VEPH1: variants seen among roughly 807,000 people sequenced by gnomAD.
VEPH1 encodes ventricular zone expressed PH domain containing 1.
VEPH1 carries 80 observed loss-of-function variants against 85.2 expected under a neutral mutation model. The ratio of observed to expected loss-of-function variants is 0.94; its 90% confidence interval spans 0.78 to 1.13. The LOEUF (loss-of-function observed/expected upper bound fraction) is 1.13. VEPH1 is among the 50% of genes most tolerant of loss of function. The probability of loss-of-function intolerance (pLI) is 0.00; values close to 1 mark genes in which losing one functional copy is unlikely to be tolerated. For missense variants in VEPH1, 955 were observed against 980.5 expected (o/e 0.97, Z 0.35); for synonymous variants, 297 against 348.0 (o/e 0.85, Z 1.63).
At chr3:157,350,920 G>A (rs575675441) in intron 9 of VEPH1, among the ~76,000 whole-genome samples, 26 of 152,218 alleles carry the variant, frequency 1.7e-4, no homozygotes, top group Admixed American at 3.9e-4. Flanking sequence ...CATGCTGTTC[G>A]GAATACAAAC....
At chr3:157,355,901 C>CTT (rs142961206) in intron 9 of VEPH1, among the ~76,000 whole-genome samples, 30 of 139,374 alleles carry the variant, frequency 2.2e-4, no homozygotes, top group African/African-American at 5.8e-4. Flanking sequence ...CTCTCTCACT[C>CTT]TTTTTTTTTT....
At chr3:157,443,060 G>A (rs537384468) in intron 4 of VEPH1, 110 of 1,470,000 alleles carry the variant, frequency 7.5e-5, no homozygotes, top group Middle Eastern at 3.6e-4. Context: ...TGAAAACTCA[G>A]TGCATAATAG....
intron 9 of VEPH1, among the ~76,000 whole-genome samples, chr3:157,328,532 A>G (rs550493514): frequency 6.6e-6 from 1 of 152,320 alleles, no homozygotes; most frequent in East Asian, 1.9e-4. Flanking sequence ...ATTCTATACA[A>G]TGAGAATAAA....
In VEPH1 at chr3:157,495,219, G is replaced by T; in HGVS notation, c.131C>A (p.Ser44Ter). 2 of 1,613,832 alleles carry T rather than the reference G, an allele frequency of 1.2e-6. No individual in the cohort carries two copies. The highest frequency in any genetic ancestry group is 1.7e-6 in the Non-Finnish European group (2 of 1,179,858). The change falls in exon 2 of 14, where the codon TCA becomes TAA. Residue 44 changes from serine (S) to a stop codon, truncating the protein, a stop_gained. Transcript: ENST00000362010. LOFTEE classifies it high-confidence loss of function. ...EALEQIKIIS[S>*]SSDYQTNNND... ...ATAAACCAGTTTACTTACTGAAGAT[G>T]AGCTAATTATCTTAATTTGCTCCAA...
At chr3:157,436,898 C>A in intron 4 of VEPH1, 1 of 1,606,012 alleles carries the variant, frequency 6.2e-7, no homozygotes, top group South Asian at 1.1e-5. Flanking sequence ...AGTCTCCTCC[C>A]GCCAGCTGTG....
chr3:157,456,641 T>C (rs1420965474), intron 4 of VEPH1, among the ~76,000 whole-genome samples: 2 of 152,174 alleles, frequency 1.3e-5, no homozygotes, highest in Non-Finnish European at 1.5e-5. Context: ...CTTTTGCCCA[T>C]TGCTTGTTTT....
At chr3:157,435,668 G>A (rs1461723754) in intron 4 of VEPH1, among the ~76,000 whole-genome samples, 3 of 152,310 alleles carry the variant, frequency 2.0e-5, no homozygotes, top group African/African-American at 7.2e-5. Flanking sequence ...CCTAGCATCA[G>A]CTCATGGGAT....
chr3:157,421,883 T>C (rs1211596446), intron 5 of VEPH1, among the ~76,000 whole-genome samples: 1 of 152,122 alleles, frequency 6.6e-6, no homozygotes, highest in Non-Finnish European at 1.5e-5. Flanking sequence ...TCCACATCAC[T>C]CTAGGTGCTC....
At chr3:157,479,921 C>A (rs957349242) in intron 2 of VEPH1, among the ~76,000 whole-genome samples, 9 of 152,170 alleles carry the variant, frequency 5.9e-5, no homozygotes, top group African/African-American at 2.2e-4. Flanking sequence ...GATACCATAA[C>A]CCTAAAAGCC....
chr3:157,384,104 A>G (rs1729052723), intron 6 of VEPH1, among the ~76,000 whole-genome samples: 1 of 152,228 alleles, frequency 6.6e-6, no homozygotes, highest in Non-Finnish European at 1.5e-5. Context: ...TGAGGCAGAC[A>G]GACAATAAAC....
intron 2 of VEPH1, among the ~76,000 whole-genome samples, chr3:157,486,867 TAAC>T (rs1488961188): frequency 1.3e-5 from 2 of 152,080 alleles, no homozygotes; most frequent in Non-Finnish European, 2.9e-5. Context: ...AGATTTAACT[TAAC>T]AACAAAAAGA....
chr3:157,484,864 G>C (rs963183443), intron 2 of VEPH1, among the ~76,000 whole-genome samples: 3 of 152,142 alleles, frequency 2.0e-5, no homozygotes. Flanking sequence ...ATGCCTCCAA[G>C]AGAGTCCTAT....
At chr3:157,326,370 T>A (rs1721907115) in intron 9 of VEPH1, among the ~76,000 whole-genome samples, 1 of 152,180 alleles carries the variant, frequency 6.6e-6, no homozygotes, top group Admixed American at 6.5e-5. Context: ...AGAGTAGATA[T>A]TCAACAGTTA....
At chr3:157,403,951 T>C (rs567670060) in intron 6 of VEPH1, among the ~76,000 whole-genome samples, 1 of 152,304 alleles carries the variant, frequency 6.6e-6, no homozygotes, top group South Asian at 2.1e-4. Context: ...TCTTGTTCAA[T>C]TATGGATTCT....
chr3:157,409,384 C>T (rs1314064859), intron 6 of VEPH1, among the ~76,000 whole-genome samples: 1 of 152,120 alleles, frequency 6.6e-6, no homozygotes, highest in Non-Finnish European at 1.5e-5. Context: ...TAGATCTTTA[C>T]TGAAAGGTGC....
Position 157,260,735 on chromosome 3 carries a change from A to AT in VEPH1, c.*398dup, listed in dbSNP as rs1712768394. ...CTTTTAATACCTTTGACAGACTGTG[A>AT]TTTTCATCAGAAGTGCTAATCTTTC... On this transcript the variant is annotated 3_prime_UTR_variant, in exon 14 of 14. Transcript: ENST00000362010. 1 of 157,916 alleles carries AT rather than the reference A, an allele frequency of 6.3e-6. No individual in the cohort carries two copies. The highest frequency in any genetic ancestry group is 1.4e-5 in the Non-Finnish European group (1 of 72,238). The allele number at this position is 157,916 out of a possible 1,614,324, so 9.8% of individuals were successfully genotyped here.
intron 7 of VEPH1, among the ~76,000 whole-genome samples, chr3:157,371,615 G>C (rs182651875): frequency 3.9e-5 from 6 of 152,146 alleles, no homozygotes; most frequent in Non-Finnish European, 7.3e-5. Context: ...CCAGTGACAC[G>C]TTCAAATTTT....
intron 12 of VEPH1, among the ~76,000 whole-genome samples, chr3:157,272,240 T>TC (rs1714657596): frequency 7.3e-6 from 1 of 137,210 alleles, no homozygotes; most frequent in African/African-American, 2.8e-5. Flanking sequence ...TCTCTTTTCT[T>TC]CTTCCTTCCT....
chr3:157,349,408 G>A (rs1480514723), intron 9 of VEPH1, among the ~76,000 whole-genome samples: 3 of 152,194 alleles, frequency 2.0e-5, no homozygotes, highest in East Asian at 3.9e-4. Context: ...CATATATGAC[G>A]AACCCACAGT....
Sources: allele counts gnomAD v4.1 joint callset (sites outside exome capture counted in the v4.1 genomes callset), GRCh38; gene constraint gnomAD v4.1.1; transcripts MANE v1.5; gene names NCBI Gene and HGNC (gene_info 2026-07-23, HGNC 2026-07-21).